The following RIMS2 variants were observed in gnomAD, a reference collection of about 807,000 sequenced individuals.
RIMS2 encodes the protein regulating synaptic membrane exocytosis protein 2.
In RIMS2, 59 loss-of-function variants were observed where a neutral mutation model predicts 174.4. The observed-to-expected ratio is 0.34, with a 90% CI of 0.27 to 0.42. The LOEUF (loss-of-function observed/expected upper bound fraction) is 0.42, where lower values mean the gene tolerates loss of function less well. Among genes scored for constraint, RIMS2 ranks in the 10% least tolerant of loss-of-function variants. RIMS2 has a pLI of 1.00. For missense variants in RIMS2, 1,620 were observed against 1,666.3 expected (o/e 0.97, Z 0.48); for synonymous variants, 606 against 572.5 (o/e 1.06, Z -0.84).
At chr8:103,623,298 AT>A (rs2095680274) in intron 1 of RIMS2, among the ~76,000 whole-genome samples, 1 of 152,196 alleles carries the variant, frequency 6.6e-6, no homozygotes, top group Non-Finnish European at 1.5e-5. Flanking sequence ...GGTAGTTCAG[AT>A]TAAGTAAAAC....
At chr8:103,701,983 T>C (rs1039192510) in intron 2 of RIMS2, among the ~76,000 whole-genome samples, 1 of 152,096 alleles carries the variant, frequency 6.6e-6, no homozygotes, top group Non-Finnish European at 1.5e-5. Context: ...GGTGGTTCTA[T>C]TTTTAGGTTT....
chr8:103,913,066 G>A (rs1333190696), intron 6 of RIMS2, among the ~76,000 whole-genome samples: 1 of 144,818 alleles, frequency 6.9e-6, no homozygotes, highest in Non-Finnish European at 1.5e-5. Context: ...TTCGCCTCTT[G>A]GATTCAAGTG....
chr8:103,755,551 C>T (rs1476220568), intron 2 of RIMS2, among the ~76,000 whole-genome samples: 11 of 152,192 alleles, frequency 7.2e-5, no homozygotes, highest in Admixed American at 6.5e-4. Flanking sequence ...TTCTCCCCAT[C>T]GCTTGCAGGT....
chr8:103,654,685 G>A, intron 1 of RIMS2, among the ~76,000 whole-genome samples: 1 of 151,854 alleles, frequency 6.6e-6, no homozygotes, highest in South Asian at 2.1e-4. Context: ...GGATTTATAA[G>A]GCTTCTTCTT....
At chr8:104,174,006 G>A (rs1209270453) in intron 19 of RIMS2, among the ~76,000 whole-genome samples, 2 of 151,394 alleles carry the variant, frequency 1.3e-5, no homozygotes, top group African/African-American at 4.9e-5. Flanking sequence ...GAGAGCAATG[G>A]CATGATCTCG....
intron 1 of RIMS2, among the ~76,000 whole-genome samples, chr8:103,647,830 C>T (rs13262235): frequency 0.12 from 17,148 of 148,092 alleles, 1,303 homozygotes; most frequent in Non-Finnish European, 0.17. Context: ...ATTAGTCTTA[C>T]CTAGTGGTAT....
chr8:103,647,896 A>ATTTTTTTTTTTTTTT (rs71297225), intron 1 of RIMS2, among the ~76,000 whole-genome samples: 7 of 114,592 alleles, frequency 6.1e-5, no homozygotes, highest in African/African-American at 9.2e-5. Context: ...TTTTTTTTTG[A>ATTTTTTTTTTTTTTT]TTTTTTTTTT....
chr8:104,233,837 C>A (rs1030705663), intron 19 of RIMS2, among the ~76,000 whole-genome samples: 1 of 152,164 alleles, frequency 6.6e-6, no homozygotes, highest in African/African-American at 2.4e-5. Context: ...AGGCTTTCAG[C>A]CTAAAGATTC....
intron 12 of RIMS2, among the ~76,000 whole-genome samples, chr8:103,934,127 A>T (rs2154533466): frequency 6.6e-6 from 1 of 152,270 alleles, no homozygotes; most frequent in African/African-American, 2.4e-5. Flanking sequence ...AAAAACATCA[A>T]GTGTTTGCAT....
intron 1 of RIMS2, among the ~76,000 whole-genome samples, chr8:103,583,183 C>T (rs942914547): frequency 6.6e-6 from 1 of 152,186 alleles, no homozygotes; most frequent in African/African-American, 2.4e-5. Context: ...TTTAGATTCT[C>T]AAGGTGGTAC....
chr8:103,816,105 T>G (rs73697673), intron 3 of RIMS2, among the ~76,000 whole-genome samples: 7,317 of 152,264 alleles, frequency 0.048, 583 homozygotes, highest in African/African-American at 0.17. Context: ...ACGTTATCTA[T>G]AAACATTCTT....
chr8:104,182,726 C>A (rs1286969251), intron 19 of RIMS2, among the ~76,000 whole-genome samples: 1 of 151,692 alleles, frequency 6.6e-6, no homozygotes, highest in Non-Finnish European at 1.5e-5. Context: ...GCTCAGTTGC[C>A]ATGTGTGACT....
intron 19 of RIMS2, among the ~76,000 whole-genome samples, chr8:104,089,051 T>A (rs1277322469): frequency 1.3e-5 from 2 of 151,946 alleles, no homozygotes; most frequent in Non-Finnish European, 2.9e-5. Flanking sequence ...TAAAATGTTG[T>A]CCGGAAAAAC....
chr8:103,607,197 G>A (rs758375687), intron 1 of RIMS2, among the ~76,000 whole-genome samples: 9 of 151,966 alleles, frequency 5.9e-5, no homozygotes, highest in African/African-American at 1.2e-4. Flanking sequence ...GGCAGGCCTC[G>A]TGGTGACAAA....
chr8:103,553,744 A>T (rs1849117485), intron 1 of RIMS2, among the ~76,000 whole-genome samples: 1 of 150,454 alleles, frequency 6.6e-6, no homozygotes, highest in African/African-American at 2.4e-5. Context: ...CAAATAGCCA[A>T]GGCAATCCTA....
chr8:103,971,026 C>A lies in RIMS2; in HGVS notation c.2771-4324C>A, dbSNP rs146589104. Among the ~76,000 whole-genome samples the A allele has an allele frequency of 1.7e-3, 253 of 152,204 alleles. 2 individuals are homozygous for A. The highest frequency in any genetic ancestry group is 5.5e-3 in the African/African-American group (230 of 41,528). ...AATTCTAGGCATGGAGTTTTCCCCC[C>A]CATAGTATACTGAGCAACAGGAATG... is the stretch of plus-strand genomic sequence containing the variant. On this transcript the variant is annotated intron_variant, in intron 15 of 23. Transcript: ENST00000504942.
At chr8:103,829,201 C>T (rs2098810576) in intron 3 of RIMS2, among the ~76,000 whole-genome samples, 1 of 151,410 alleles carries the variant, frequency 6.6e-6, no homozygotes, top group South Asian at 2.1e-4. Flanking sequence ...GATACCATCT[C>T]ACACCAGTCA....
chr8:104,004,434 A>T (rs1426460058), intron 17 of RIMS2, among the ~76,000 whole-genome samples: 1 of 152,140 alleles, frequency 6.6e-6, no homozygotes, highest in African/African-American at 2.4e-5. Context: ...AAAAATAATG[A>T]ATGAAAAATG....
chr8:103,876,552 G>A (rs1044149025), intron 3 of RIMS2, among the ~76,000 whole-genome samples: 3 of 151,194 alleles, frequency 2.0e-5, no homozygotes, highest in African/African-American at 7.3e-5. Flanking sequence ...CATCACCTGA[G>A]CAGTATACAC....
Sources: gnomAD v4.1 joint callset for allele counts (sites outside exome capture counted in the v4.1 genomes callset) on GRCh38, gnomAD v4.1.1 for gene constraint, MANE v1.5 for transcripts, NCBI Gene and HGNC (gene_info 2026-07-23, HGNC 2026-07-21) for gene names.